Variants in POMGNT1 observed in about 807,000 individuals in gnomAD.
POMGNT1 encodes the protein protein O-linked-mannose beta-1,2-N-acetylglucosaminyltransferase 1.
A neutral mutation model predicts 95.6 loss-of-function variants in POMGNT1; 67 were observed. The observed-to-expected ratio is 0.70, with a 90% CI of 0.58 to 0.86. The LOEUF is 0.86. Ranked by LOEUF, POMGNT1 falls within the 40% of genes least tolerant of loss-of-function variation. The pLI, the probability that POMGNT1 is intolerant of heterozygous loss-of-function variation, is 0.00. For missense variants in POMGNT1, 719 were observed against 855.2 expected (o/e 0.84, Z 1.99); for synonymous variants, 298 against 317.9 (o/e 0.94, Z 0.66).
intron 17 of POMGNT1, 135 bp from the exon 18 acceptor site, chr1:46,190,919 T>A: frequency 1.2e-6 from 1 of 815,698 alleles, no homozygotes; most frequent in Non-Finnish European, 2.1e-6. Flanking sequence ...TCCCACCGTC[T>A]TCTCCATCCT....
intron 1 of POMGNT1, among the ~76,000 whole-genome samples, chr1:46,216,661 G>T (rs1177002183): frequency 6.6e-6 from 1 of 152,012 alleles, no homozygotes. Context: ...TTTTAGATTC[G>T]GAGGGGGGTA....
At chr1:46,190,415 A>C in intron 19 of POMGNT1, 58 bp downstream of exon 19, 1 of 1,519,296 alleles carries the variant, frequency 6.6e-7, no homozygotes, top group Non-Finnish European at 9.1e-7. Flanking sequence ...TATGGGGCCA[A>C]GATCCCCAGT....
chr1:46,201,664 C>T (rs546630857), upstream of POMGNT1, among the ~76,000 whole-genome samples: 18 of 143,374 alleles, frequency 1.3e-4, no homozygotes, highest in Non-Finnish European at 2.2e-4. Context: ...TGCCACTGCA[C>T]TCCAGCCTGG....
At chr1:46,210,287 T>G (rs967516773) in intron 1 of POMGNT1, among the ~76,000 whole-genome samples, 2 of 152,186 alleles carry the variant, frequency 1.3e-5, no homozygotes, top group African/African-American at 4.8e-5. Context: ...TTTTTTTAAT[T>G]TTTTCACTTA....
intron 17 of POMGNT1, chr1:46,191,171 T>C: frequency 3.0e-6 from 1 of 338,434 alleles, no homozygotes; most frequent in South Asian, 2.4e-5. Context: ...ACTTTGACTC[T>C]GGTACTGAGA....
At chr1:46,219,726 A>G in exon 1 of POMGNT1, 1 of 1,604,248 alleles carries the variant, frequency 6.2e-7, no homozygotes, top group Non-Finnish European at 8.5e-7. Flanking sequence ...CGATGTGAAG[A>G]TCCTGCAGCA....
chr1:46,196,876 T>A lies in POMGNT1; in HGVS notation c.236-27A>T. 1 of 1,614,200 alleles carries A rather than the reference T, an allele frequency of 6.2e-7. No individual in the cohort carries two copies. The highest frequency in any genetic ancestry group is 2.2e-5 in the East Asian group (1 of 44,886). Reference sequence around the variant, plus strand: ...TGTGGGGTACAACAGGTCATGGAGATAGTCTCCTCAGCAGAGTCTCACCGC... The same window carrying A: ...TGTGGGGTACAACAGGTCATGGAGAAAGTCTCCTCAGCAGAGTCTCACCGC... On this transcript the variant is annotated intron_variant, in intron 3 of 21. Transcript: ENST00000371984. This position sits in a 1 kb window ranked among gnomAD's most constrained non-coding sequence, Gnocchi z 4.4.
intron 2 of POMGNT1, 126 bp from the exon 3 acceptor site, chr1:46,197,210 C>T: frequency 6.3e-7 from 1 of 1,587,090 alleles, no homozygotes; most frequent in South Asian, 1.1e-5. Flanking sequence ...CTTCCTCTGT[C>T]TGCCTAGCTC....
In POMGNT1 at chr1:46,192,976, C is replaced by A; in HGVS notation, c.1153-18G>T. On this transcript the variant is annotated intron_variant, in intron 13 of 21. Transcript: ENST00000371984. ...TTGGCCTCCTAGAAGGGGAATGGGA[C>A]ATCATGGTCCCAAAGGGGTCTCTCC... The A allele has an allele frequency of 6.2e-7, 1 of 1,614,138 alleles. No individual in the cohort carries two copies. Among genetic ancestry groups the A allele is most frequent in the Non-Finnish European group, 8.5e-7 (1 of 1,179,978 alleles).
chr1:46,195,536 G>C (rs1173123186), intron 6 of POMGNT1: 3 of 497,680 alleles, frequency 6.0e-6, no homozygotes, highest in African/African-American at 5.8e-5. Flanking sequence ...GGCTGTTTCT[G>C]TTGACCTCCC....
rs1391289249 is a variant in POMGNT1 at position 46,190,129 on chromosome 1, T to TG, written c.1650-141dup. On this transcript the variant is annotated intron_variant, in intron 19 of 21. Transcript: ENST00000371984. ...TTTTTTTTTTTTTGAGATGGAGTCTTGCTCTGTCGCCCAGGCTGGAGTCTC... is the reference window on the plus strand; with the variant it reads ...TTTTTTTTTTTTTGAGATGGAGTCTTGGCTCTGTCGCCCAGGCTGGAGTCTC... 44 of 1,063,690 alleles carry TG rather than the reference T, an allele frequency of 4.1e-5. No homozygotes were observed. In the South Asian group the frequency reaches 6.8e-4, roughly 16 times the overall value. 65.9% of individuals were successfully genotyped at this position (1,063,690 alleles called of 1,614,324 possible).
chr1:46,203,223 C>T (rs1352971508), upstream of POMGNT1: 2 of 398,044 alleles, frequency 5.0e-6, no homozygotes, highest in Non-Finnish European at 8.9e-6. Context: ...AATCCAGGGC[C>T]AGAGGTTGTG....
At chr1:46,189,677 G>A (rs1049733041) in intron 20 of POMGNT1, 110 bp from the exon 21 acceptor site, 2 of 1,545,238 alleles carry the variant, frequency 1.3e-6, no homozygotes, top group Non-Finnish European at 1.8e-6. Flanking sequence ...ACCTCAATTT[G>A]TAAGAGATAG....
At chr1:46,210,859 G>A (rs1385433605) in intron 1 of POMGNT1, among the ~76,000 whole-genome samples, 1 of 151,764 alleles carries the variant, frequency 6.6e-6, no homozygotes, top group Non-Finnish European at 1.5e-5. Context: ...ACTGCAGCCT[G>A]TACTTCTCTG....
In POMGNT1 at chr1:46,195,823, G is replaced by A. The variant is rs949200631; in HGVS notation, c.522C>T (p.Ile174=). 6.3e-7 allele frequency: 1 copy of A among 1,596,126 alleles called. No individual in the cohort carries two copies. Among genetic ancestry groups the A allele is most frequent in the South Asian group, 1.1e-5 (1 of 89,032 alleles). The part of the protein sequence containing the change: ...LNMVAPGRVL[I]CTVKDEGSFH... Reference sequence around the variant, plus strand: ...CAGAATAACTGACCTTGACAGTGCAGATGAGCACTCGGCCGGGCGCTACCA... The same window carrying A: ...CAGAATAACTGACCTTGACAGTGCAAATGAGCACTCGGCCGGGCGCTACCA... The change falls in exon 6 of 22, where the codon ATC becomes ATT. Residue 174 remains isoleucine (I), a synonymous_variant. Transcript: ENST00000371984.
intron 9 of POMGNT1, 70 bp downstream of exon 9, chr1:46,194,204 G>C: frequency 1.2e-6 from 2 of 1,613,304 alleles, no homozygotes; most frequent in East Asian, 2.2e-5. Flanking sequence ...GCCCAACCTA[G>C]ATCATTCCTG....
intron 17 of POMGNT1, 77 bp from the exon 18 acceptor site, chr1:46,190,861 T>C (rs1657711363): frequency 2.2e-6 from 3 of 1,344,394 alleles, no homozygotes; most frequent in Non-Finnish European, 2.1e-6. Context: ...GCCAGACATC[T>C]ATAAGACACA....
chr1:46,197,679 G>A lies in POMGNT1; in HGVS notation c.120+23C>T, dbSNP rs746724071. 8 of 1,613,992 alleles carry A rather than the reference G, an allele frequency of 5.0e-6. No individual in the cohort carries two copies. The South Asian group carries it at 8.8e-5, about 18-fold the overall frequency. ...AAGCTGGGAGGGAGCGCTCGGTGGG[G>A]AGGGTTTGGGACATCTCTATACCTG... On this transcript the variant is annotated intron_variant, in intron 2 of 21. Coordinates refer to ENST00000371984, the MANE Select transcript of POMGNT1 (RefSeq NM_017739.4).
upstream of POMGNT1, among the ~76,000 whole-genome samples, chr1:46,202,916 G>GGGT (rs1553164824): frequency 1.3e-4 from 12 of 95,770 alleles, 1 homozygote; most frequent in Non-Finnish European, 1.9e-4. Context: ...TGGGGGGGGG[G>GGGT]GGTGGTGTGT....
Sources: allele counts gnomAD v4.1 joint callset (sites outside exome capture counted in the v4.1 genomes callset), GRCh38; gene constraint gnomAD v4.1.1; non-coding constraint Gnocchi (gnomAD v3.1); transcripts MANE v1.5; gene names NCBI Gene and HGNC (gene_info 2026-07-23, HGNC 2026-07-21).